The following AFG1L variants were observed in gnomAD, a reference collection of about 807,000 sequenced individuals.
The protein encoded by AFG1L is AFG1-like ATPase.
A neutral mutation model predicts 62.2 loss-of-function variants in AFG1L; 53 were observed. The ratio of observed to expected loss-of-function variants is 0.85; its 90% CI spans 0.68 to 1.07. The LOEUF is 1.07. Among genes scored for constraint, AFG1L ranks in the 50% least tolerant of loss-of-function variants. AFG1L has a pLI of 0.00. For synonymous variants in AFG1L, 228 were observed against 210.3 expected, an observed-to-expected ratio of 1.08 and a Z score of -0.73; for missense variants, 555 against 590.5, an observed-to-expected ratio of 0.94 and a Z score of 0.62.
rs1775265265 is a variant in AFG1L at position 108,524,837 on chromosome 6, A to G, written c.*2412A>G. On this transcript the variant is annotated 3_prime_UTR_variant, in exon 13 of 13. Coordinates refer to ENST00000368977, the MANE Select transcript of AFG1L (RefSeq NM_145315.5). Reference sequence around the variant, plus strand: ...AAAATAGCATGCAAGAAAAAAACCCAAGTCTTCAAGAATAGCCATCACTAG... The same window carrying G: ...AAAATAGCATGCAAGAAAAAAACCCGAGTCTTCAAGAATAGCCATCACTAG... 6.6e-6 allele frequency: 1 copy of G among 152,178 alleles called. No homozygotes were observed. 9.4% of individuals were successfully genotyped at this position (152,178 alleles called of 1,614,324 possible). A position where few individuals can be genotyped will look rare whatever the true frequency, so the allele number is the denominator to read the frequency against.
chr6:108,318,715 C>T lies in AFG1L; in HGVS notation c.140-5110C>T, dbSNP rs540886627. ...AAATAAGGTACAAAATTGAAGTATT[C>T]GAAAGAATAGCGCAGACTTTTTGGG... On this transcript the variant is annotated intron_variant, in intron 1 of 12. Coordinates refer to ENST00000368977, the MANE Select transcript of AFG1L (RefSeq NM_145315.5). Among the ~76,000 whole-genome samples the T allele has an allele frequency of 1.1e-4, 16 of 152,200 alleles. 1 individual carries two copies. The highest frequency in any genetic ancestry group is 8.5e-4 in the Admixed American group (13 of 15,272).
intron 10 of AFG1L, among the ~76,000 whole-genome samples, chr6:108,485,816 C>T (rs1463042177): frequency 1.3e-5 from 2 of 149,222 alleles, no homozygotes; most frequent in South Asian, 2.1e-4. Context: ...GGACTACAGG[C>T]GTGCACCACC....
intron 6 of AFG1L, among the ~76,000 whole-genome samples, chr6:108,370,207 T>C (rs1779942886): frequency 6.6e-6 from 1 of 152,134 alleles, no homozygotes; most frequent in African/African-American, 2.4e-5. Context: ...AGAGAAACGC[T>C]AAGCCACTGA....
At chr6:108,407,692 T>TA (rs35463163) in intron 7 of AFG1L, among the ~76,000 whole-genome samples, 44 of 146,688 alleles carry the variant, frequency 3.0e-4, no homozygotes, top group South Asian at 2.2e-3. Context: ...CTCTGGAAAT[T>TA]AAAAAAAAAA....
intron 10 of AFG1L, among the ~76,000 whole-genome samples, chr6:108,481,000 G>A (rs1357512322): frequency 6.6e-6 from 1 of 152,182 alleles, no homozygotes; most frequent in Non-Finnish European, 1.5e-5. Flanking sequence ...ATACCCACTG[G>A]GAAGTCCAGC....
chr6:108,348,321 G>A (rs762383056), intron 3 of AFG1L, among the ~76,000 whole-genome samples: 6 of 152,156 alleles, frequency 3.9e-5, no homozygotes, highest in Admixed American at 3.9e-4. Flanking sequence ...CTCGTGATCC[G>A]CTCTCCTCGG....
chr6:108,339,364 T>A (rs1227760822), intron 2 of AFG1L, among the ~76,000 whole-genome samples: 1 of 152,132 alleles, frequency 6.6e-6, no homozygotes, highest in East Asian at 1.9e-4. Context: ...GGTCTCAAAC[T>A]CTTGGCCTCG....
intron 2 of AFG1L, among the ~76,000 whole-genome samples, chr6:108,343,292 C>T (rs991790067): frequency 3.9e-5 from 6 of 152,024 alleles, no homozygotes; most frequent in African/African-American, 1.4e-4. Flanking sequence ...AAGTGATCTG[C>T]CCACTGGGGC....
rs569475821 is a variant in AFG1L at position 108,332,853 on chromosome 6, T to C, written c.363+8805T>C. Among the ~76,000 whole-genome samples, 14 of 152,258 alleles carry C rather than the reference T, an allele frequency of 9.2e-5. No individual in the cohort carries two copies. The East Asian group carries it at 2.7e-3, about 29-fold the overall frequency. On this transcript the variant is annotated intron_variant, in intron 2 of 12. Transcript: ENST00000368977. The stretch of plus-strand genomic sequence containing the variant: ...AACTCCTGGCCTCAAGCAATTCACC[T>C]GCCTCAGTCTTCCAAAGTGCTGGGG...
intron 2 of AFG1L, among the ~76,000 whole-genome samples, chr6:108,346,366 C>CTT (rs879650858): frequency 2.9e-4 from 43 of 146,618 alleles, no homozygotes; most frequent in African/African-American, 9.7e-4. Context: ...CCTTTTTCTA[C>CTT]TTTTTTTTTT....
chr6:108,430,057 C>T (rs1771002650), intron 7 of AFG1L, among the ~76,000 whole-genome samples: 2 of 152,044 alleles, frequency 1.3e-5, no homozygotes, highest in South Asian at 4.2e-4. Context: ...AAGCAGTTCT[C>T]CTGCCTCAGC....
At chr6:108,517,970 G>C (rs1390464053) in intron 11 of AFG1L, among the ~76,000 whole-genome samples, 1 of 152,210 alleles carries the variant, frequency 6.6e-6, no homozygotes, top group Admixed American at 6.5e-5. Flanking sequence ...TCTCACACCA[G>C]TTAGAATGGC....
At chr6:108,471,911 T>C (rs1772914140) in intron 8 of AFG1L, among the ~76,000 whole-genome samples, 1 of 152,204 alleles carries the variant, frequency 6.6e-6, no homozygotes, top group Non-Finnish European at 1.5e-5. Flanking sequence ...CAGAGCATAC[T>C]GGGAAAGCAT....
intron 11 of AFG1L, among the ~76,000 whole-genome samples, chr6:108,515,747 C>G (rs1189207635): frequency 1.3e-5 from 2 of 152,006 alleles, no homozygotes; most frequent in East Asian, 3.9e-4. Flanking sequence ...AATTGATAGA[C>G]CACTAGCAAG....
intron 8 of AFG1L, among the ~76,000 whole-genome samples, chr6:108,467,023 T>C (rs1772701751): frequency 6.6e-6 from 1 of 151,892 alleles, no homozygotes; most frequent in South Asian, 2.1e-4. Context: ...ATAAGGGAAA[T>C]GAGCTTATAT....
At chr6:108,302,440 C>G (rs1777042391) in intron 1 of AFG1L, among the ~76,000 whole-genome samples, 1 of 150,436 alleles carries the variant, frequency 6.6e-6, no homozygotes, top group Non-Finnish European at 1.5e-5. Flanking sequence ...GAACTCTGTT[C>G]CATAGAAGGA....
chr6:108,477,062 C>A, intron 9 of AFG1L, 127 bp downstream of exon 9: 2 of 1,025,770 alleles, frequency 1.9e-6, no homozygotes, highest in South Asian at 1.4e-5. Context: ...GTCATTGTAT[C>A]AGCATTTTGT....
At chr6:108,338,233 C>T (rs1162743212) in intron 2 of AFG1L, among the ~76,000 whole-genome samples, 1 of 152,132 alleles carries the variant, frequency 6.6e-6, no homozygotes, top group Non-Finnish European at 1.5e-5. Flanking sequence ...ATTTGAAGTG[C>T]ATTTCCATTT....
chr6:108,510,433 A>G (rs1365312283), intron 11 of AFG1L, 81 bp downstream of exon 11: 10 of 1,072,298 alleles, frequency 9.3e-6, no homozygotes, highest in East Asian at 2.5e-5. Flanking sequence ...TCCTGACTTA[A>G]CATACTTCTA....
Sources: allele counts gnomAD v4.1 joint callset (sites outside exome capture counted in the v4.1 genomes callset), GRCh38; gene constraint gnomAD v4.1.1; transcripts MANE v1.5; gene names NCBI Gene and HGNC (gene_info 2026-07-23, HGNC 2026-07-21).